The following MAP7D1 variants were observed in gnomAD, a reference collection of about 807,000 sequenced individuals.
The protein encoded by MAP7D1 is MAP7 domain containing 1.
Under a neutral mutation model 97.5 loss-of-function variants are expected in MAP7D1, and 30 were observed. The observed-to-expected ratio is 0.31, with a 90% CI of 0.23 to 0.42. The LOEUF (loss-of-function observed/expected upper bound fraction) is 0.42. Among genes scored for constraint, MAP7D1 ranks in the 10% least tolerant of loss-of-function variants. The pLI, the probability that MAP7D1 is intolerant of heterozygous loss-of-function variation, is 1.00. For missense variants in MAP7D1, 1,184 were observed against 1,179.5 expected (o/e 1.00, Z -0.06); for synonymous variants, 536 against 477.1 (o/e 1.12, Z -1.61).
Position 36,173,268 on chromosome 1 carries a change from G to T in MAP7D1, c.625-96G>T, listed in dbSNP as rs539824608. ...GGAAAAGACTCCAAGGGAAGGGAGTGGGGGAGGCATTGTCACAGGAGGAAG... is the reference window on the plus strand; with the variant it reads ...GGAAAAGACTCCAAGGGAAGGGAGTTGGGGAGGCATTGTCACAGGAGGAAG... On this transcript the variant is annotated intron_variant, in intron 4 of 16. Transcript: ENST00000474796. 77 of 850,540 alleles carry T rather than the reference G, an allele frequency of 9.1e-5. No individual in the cohort carries two copies. The Admixed American group carries it at 1.1e-3, about 12-fold the overall frequency. The allele number at this position is 850,540 out of a possible 1,614,324, so 52.7% of individuals were successfully genotyped here. A position where few individuals can be genotyped will look rare whatever the true frequency, so the allele number is the denominator to read the frequency against.
chr1:36,172,924 G>A lies in MAP7D1; in HGVS notation c.624+297G>A, dbSNP rs566737945. Among the ~76,000 whole-genome samples, 7 of 152,324 alleles carry A rather than the reference G, an allele frequency of 4.6e-5. No individual in the cohort carries two copies. In the South Asian group the frequency reaches 6.2e-4, roughly 14 times the overall value. On this transcript the variant is annotated intron_variant, in intron 4 of 16. Coordinates refer to ENST00000474796, the MANE Select transcript of MAP7D1 (RefSeq NM_001388490.1). ...TATGCAGGTATGCATCTGTGTGAGC[G>A]TGCCTAGCTCTGTGACATGGGTAAA...
intron 6 of MAP7D1, 140 bp downstream of exon 6, chr1:36,175,148 C>G: frequency 7.8e-6 from 5 of 643,732 alleles, no homozygotes; most frequent in Admixed American, 2.4e-5. Context: ...TTACCCAGGG[C>G]TCTGTGCCCC....
At position 36,176,703 on chromosome 1, in the gene MAP7D1, A is replaced by G. The variant is rs1287307674; in HGVS notation, c.1240A>G (p.Lys414Glu). Reference protein sequence around the residue: ...RRRPEASPVQKKEKKDKEREN... With the variant: ...RRRPEASPVQEKEKKDKEREN... The stretch of plus-strand genomic sequence containing the variant: ...GTTCCTCCTTCCCTGCCAGGTGCAG[A>G]AAAAGGAGAAGAAGGACAAGGAGCG... Residue 414 changes from lysine (K) to glutamate (E), a missense_variant, in exon 8 of 17, where the codon AAA (lysine) becomes GAA (glutamate). Coordinates refer to ENST00000474796, the MANE Select transcript of MAP7D1 (RefSeq NM_001388490.1). The surrounding 1 kb of genome is among the most constrained non-coding windows in gnomAD (Gnocchi z 6.1). 2 of 1,604,200 alleles carry G rather than the reference A, an allele frequency of 1.2e-6. No individual in the cohort carries two copies. The highest frequency in any genetic ancestry group is 1.7e-5 in the Admixed American group (1 of 58,116).
chr1:36,157,994 TCTGGC>T (rs761343926), intron 1 of MAP7D1, among the ~76,000 whole-genome samples: 7 of 152,140 alleles, frequency 4.6e-5, no homozygotes, highest in Non-Finnish European at 8.8e-5. Flanking sequence ...CCTGAGGGCC[TCTGGC>T]ACTGGATAGT....
chr1:36,169,350 AT>A (rs1369822111), intron 1 of MAP7D1, among the ~76,000 whole-genome samples: 1 of 151,606 alleles, frequency 6.6e-6, no homozygotes, highest in Admixed American at 6.6e-5. Flanking sequence ...AGGTCAGGAA[AT>A]TGAGACCATC....
rs372974206 is a variant in MAP7D1 at position 36,177,909 on chromosome 1, A to T, written c.1416A>T (p.Thr472=). ...KSKARPSSPS[T]SWHRPASPCP... is the part of the protein sequence containing the mutation. Reference sequence around the variant, plus strand: ...AGGCCAGGCCATCCTCTCCCTCCACATCCTGGCACAGGCCTGCCTCCCCCT... The same window carrying T: ...AGGCCAGGCCATCCTCTCCCTCCACTTCCTGGCACAGGCCTGCCTCCCCCT... The change falls in exon 9 of 17, where the codon ACA becomes ACT. Residue 472 remains threonine, a synonymous_variant. Transcript: ENST00000474796. 13 of 1,549,174 alleles carry T rather than the reference A, an allele frequency of 8.4e-6. No homozygotes were observed. Among genetic ancestry groups the T allele is most frequent in the Non-Finnish European group, 1.0e-5 (12 of 1,147,700 alleles).
chr1:36,171,821 C>G (rs1644547503), intron 3 of MAP7D1: 1 of 349,470 alleles, frequency 2.9e-6, no homozygotes, highest in Non-Finnish European at 5.5e-6. Flanking sequence ...GTAATCCCAG[C>G]TACTCGGGAG....
Position 36,178,992 on chromosome 1 carries a change from G to A in MAP7D1, c.2097G>A (p.Gln699=). The A allele has an allele frequency of 1.9e-6, 3 of 1,552,746 alleles. No individual in the cohort carries two copies. Among genetic ancestry groups the A allele is most frequent in the Non-Finnish European group, 2.6e-6 (3 of 1,148,864 alleles). The change falls in exon 12 of 17, where the codon CAG becomes CAA. Residue 699 remains glutamine (Q), a synonymous_variant. Coordinates refer to ENST00000474796, the MANE Select transcript of MAP7D1 (RefSeq NM_001388490.1). ...GTCTGGAGCGGGAAAAGCACTTCCA[G>A]CAGCAGGAGCAAGAGCGGCAAGAGC... ...RQRLEREKHF[Q]QQEQERQERR...
chr1:36,158,403 T>C lies in MAP7D1; in HGVS notation c.46+1940T>C, dbSNP rs144386568. Among the ~76,000 whole-genome samples, 380 of 152,170 alleles carry C rather than the reference T, an allele frequency of 2.5e-3. 3 individuals carry two copies. The highest frequency in any genetic ancestry group is 8.7e-3 in the African/African-American group (361 of 41,514). On this transcript the variant is annotated intron_variant, in intron 1 of 16. Transcript: ENST00000474796. ...GCATGGGCCTGACACTCCGAGAGCA[T>C]GTGACACGAACCCTGCTCCCTCTGA... is the stretch of plus-strand genomic sequence containing the variant.
At chr1:36,164,383 G>A (rs1644449234) in intron 1 of MAP7D1, among the ~76,000 whole-genome samples, 1 of 152,172 alleles carries the variant, frequency 6.6e-6, no homozygotes, top group Non-Finnish European at 1.5e-5. Context: ...TCATAACAGT[G>A]ACAGTGTTCC....
Position 36,177,931 on chromosome 1 carries a change from C to T in MAP7D1, c.1438C>T (p.Pro480Ser). Residue 480 changes from proline (P) to serine (S), a missense_variant, in exon 9 of 17, where the codon CCC becomes TCC. Physicochemically the swap from Pro to Ser is moderately conservative, Grantham distance 74. Coordinates refer to ENST00000474796, the MANE Select transcript of MAP7D1 (RefSeq NM_001388490.1). ...CACATCCTGGCACAGGCCTGCCTCC[C>T]CCTGCCCCAGCCCAGGGCCAGGCCA... ...PSTSWHRPAS[P>S]CPSPGPGHTL... 1 of 1,575,954 alleles carries T rather than the reference C, an allele frequency of 6.3e-7. No homozygotes were observed. Among genetic ancestry groups the T allele is most frequent in the Non-Finnish European group, 8.6e-7 (1 of 1,158,710 alleles).
At chr1:36,177,535 A>G in intron 8 of MAP7D1, 1 of 583,502 alleles carries the variant, frequency 1.7e-6, no homozygotes, top group Non-Finnish European at 3.3e-6. Context: ...AACAACAACA[A>G]CAACAACAAC....
Position 36,179,673 on chromosome 1 carries a change from G to A in MAP7D1, c.2235G>A (p.Val745=). 1 of 1,529,406 alleles carries A rather than the reference G, an allele frequency of 6.5e-7. No individual in the cohort carries two copies. Among genetic ancestry groups the A allele is most frequent in the South Asian group, 1.3e-5 (1 of 79,256 alleles). The allele number at this position is 1,529,406 out of a possible 1,614,324, so 94.7% of individuals were successfully genotyped here. A position where few individuals can be genotyped will look rare whatever the true frequency, so the allele number is the denominator to read the frequency against. The change falls in exon 15 of 17, where the codon GTG becomes GTA. Residue 745 remains valine, a synonymous_variant. Coordinates refer to ENST00000474796, the MANE Select transcript of MAP7D1 (RefSeq NM_001388490.1). ...CCTCTTTCCCTGTGACAGAGCCTGT[G>A]AAAGCTGTGGAGGCTCGGTCCCCAG... is the stretch of plus-strand genomic sequence containing the variant. ...ANANGSSPEP[V]KAVEARSPGL... is the part of the protein sequence containing the mutation.
At chr1:36,168,773 A>C (rs1644504122) in intron 1 of MAP7D1, among the ~76,000 whole-genome samples, 2 of 152,198 alleles carry the variant, frequency 1.3e-5, no homozygotes. Context: ...GCCTTCAACA[A>C]GGCAGGAGGG....
chr1:36,173,635 TG>T (rs1644578589), intron 5 of MAP7D1, among the ~76,000 whole-genome samples, 157 bp downstream of exon 5: 1 of 152,262 alleles, frequency 6.6e-6, no homozygotes. Flanking sequence ...TAAGCCAAAC[TG>T]TCCCTTCCCA....
chr1:36,177,976 C>T lies in MAP7D1; in HGVS notation c.1483C>T (p.Pro495Ser). 1.2e-6 allele frequency: 2 copies of T among 1,607,478 alleles called. No individual in the cohort carries two copies. Among genetic ancestry groups the T allele is most frequent in the Non-Finnish European group, 1.7e-6 (2 of 1,175,468 alleles). ...GPGHTLPPKPPSPRGTTASPK... is the reference protein window; with the variant it reads ...GPGHTLPPKPSSPRGTTASPK... ...AGGCCACACTCTGCCTCCAAAGCCA[C>T]CGTCCCCCCGAGGCACCACTGCATC... Residue 495 changes from proline to serine, a missense_variant, in exon 9 of 17, where the codon CCG becomes TCG. Pro to Ser is a moderately conservative substitution (Grantham distance 74, BLOSUM62 -1). Transcript: ENST00000474796.
chr1:36,158,430 T>C (rs1333201336), intron 1 of MAP7D1, among the ~76,000 whole-genome samples: 2 of 151,820 alleles, frequency 1.3e-5, no homozygotes, highest in African/African-American at 4.8e-5. Flanking sequence ...TCCCTCTGAG[T>C]TCCTTTTTGC....
At position 36,180,461 on chromosome 1, in the gene MAP7D1, C is replaced by T. The variant is rs1316760455; in HGVS notation, c.*203C>T. The T allele has an allele frequency of 9.1e-6, 6 of 660,818 alleles. No homozygotes were observed. Among genetic ancestry groups the T allele is most frequent in the Middle Eastern group, 6.7e-4 (2 of 2,966 alleles). The allele number at this position is 660,818 out of a possible 1,614,324, so 40.9% of individuals were successfully genotyped here. On this transcript the variant is annotated 3_prime_UTR_variant, in exon 17 of 17. Coordinates refer to ENST00000474796, the MANE Select transcript of MAP7D1 (RefSeq NM_001388490.1). Reference sequence around the variant, plus strand: ...ATCTGCCCCTCAGTGCATTCGTGTGCTCGCACGCGCAGACATCCCTTCTCC... The same window carrying T: ...ATCTGCCCCTCAGTGCATTCGTGTGTTCGCACGCGCAGACATCCCTTCTCC...
Position 36,159,510 on chromosome 1 carries a change from C to G in MAP7D1, c.46+3047C>G. 6.6e-6 allele frequency among the ~76,000 whole-genome samples: 1 copy of G among 152,092 alleles called. No individual in the cohort carries two copies. The highest frequency in any genetic ancestry group is 2.1e-4 in the South Asian group (1 of 4,824). On this transcript the variant is annotated intron_variant, in intron 1 of 16. Coordinates refer to ENST00000474796, the MANE Select transcript of MAP7D1 (RefSeq NM_001388490.1). The surrounding 1 kb of genome is among the most constrained non-coding windows in gnomAD (Gnocchi z 5.4). The stretch of plus-strand genomic sequence containing the variant: ...GGTGTATCCAGGGAACGGAGGGGCC[C>G]CATACCTGAAGTGGAACAGTGGGAA...
Sources: allele counts gnomAD v4.1 joint callset (sites outside exome capture counted in the v4.1 genomes callset), GRCh38; gene constraint gnomAD v4.1.1; non-coding constraint Gnocchi (gnomAD v3.1); transcripts MANE v1.5; gene names NCBI Gene and HGNC (gene_info 2026-07-23, HGNC 2026-07-21).